UNC5D: variants seen among roughly 807,000 people sequenced by gnomAD.
UNC5D encodes the protein netrin receptor UNC5D.
UNC5D carries 39 observed loss-of-function variants against 105.4 expected under a neutral mutation model. That is an observed-to-expected ratio of 0.37 (90% CI 0.29 to 0.48). The LOEUF (loss-of-function observed/expected upper bound fraction) is 0.48. Among genes scored for constraint, UNC5D ranks in the 20% least tolerant of loss-of-function variants. UNC5D has a pLI of 0.98. For missense variants in UNC5D, 991 were observed against 1,202.4 expected, an observed-to-expected ratio of 0.82 and a Z score of 2.60; for synonymous variants, 452 against 450.4, an observed-to-expected ratio of 1.00 and a Z score of -0.04.
chr8:35,582,210 C>T (rs1049144131), intron 3 of UNC5D, among the ~76,000 whole-genome samples: 1 of 152,166 alleles, frequency 6.6e-6, no homozygotes, highest in African/African-American at 2.4e-5. Flanking sequence ...AGTCACCAGT[C>T]ATTGTGGCTC....
intron 4 of UNC5D, among the ~76,000 whole-genome samples, chr8:35,636,503 T>C (rs1406822116): frequency 1.3e-5 from 2 of 152,122 alleles, no homozygotes; most frequent in Admixed American, 1.3e-4. Context: ...TCTCCAGACA[T>C]TGCCAAATGT....
chr8:35,631,230 C>G (rs190490335), intron 4 of UNC5D, among the ~76,000 whole-genome samples: 4 of 151,798 alleles, frequency 2.6e-5, no homozygotes, highest in Admixed American at 2.6e-4. Flanking sequence ...AGGAGAATGG[C>G]TTCAACCCAG....
chr8:35,472,523 G>A (rs1180954954), intron 1 of UNC5D, among the ~76,000 whole-genome samples: 1 of 152,082 alleles, frequency 6.6e-6, no homozygotes, highest in Non-Finnish European at 1.5e-5. Flanking sequence ...ATAACCTTGT[G>A]TTTTTAGGGG....
At chr8:35,461,070 G>C (rs1808852111) in intron 1 of UNC5D, among the ~76,000 whole-genome samples, 1 of 152,158 alleles carries the variant, frequency 6.6e-6, no homozygotes. Context: ...ACTATGTTTT[G>C]AGTATAAAAT....
rs191384753 is a variant in UNC5D, at chr8:35,317,934, C to A, written c.103+82047C>A. 5.1e-3 allele frequency among the ~76,000 whole-genome samples: 610 copies of A among 118,788 alleles called. 8 individuals are homozygous for A. The highest frequency in any genetic ancestry group is 0.016 in the African/African-American group (593 of 36,936). 77.9% of individuals were successfully genotyped at this position (118,788 alleles called of 152,430 possible). On this transcript the variant is annotated intron_variant, in intron 1 of 16. Coordinates refer to ENST00000404895, the MANE Select transcript of UNC5D (RefSeq NM_080872.4). ...TCGGTATGAGGACAGGCACTGCCAA[C>A]CCTTGTTCTAGTGACTATCTTTTCT...
chr8:35,636,120 C>A (rs1248194244), intron 4 of UNC5D, among the ~76,000 whole-genome samples: 1 of 152,104 alleles, frequency 6.6e-6, no homozygotes, highest in Non-Finnish European at 1.5e-5. Flanking sequence ...CTGCCGAATT[C>A]TATATTGCAC....
rs1026945010 is a variant in UNC5D, at chr8:35,790,818, G to A, written c.*255G>A. The A allele has an allele frequency of 5.7e-6, 3 of 527,052 alleles. No homozygotes were observed. Among genetic ancestry groups the A allele is most frequent in the Non-Finnish European group, 1.0e-5 (3 of 293,882 alleles). The allele number at this position is 527,052 out of a possible 1,614,324, so 32.6% of individuals were successfully genotyped here. The stretch of plus-strand genomic sequence containing the variant: ...TTTGGGTTAACTCCTCAGATTTGGA[G>A]TGGCAAGGATAAAAGTGAGGGCAGA... On this transcript the variant is annotated 3_prime_UTR_variant, in exon 17 of 17. Transcript: ENST00000404895.
chr8:35,734,107 A>C (rs1481945306), intron 11 of UNC5D, among the ~76,000 whole-genome samples: 1 of 152,084 alleles, frequency 6.6e-6, no homozygotes, highest in South Asian at 2.1e-4. Flanking sequence ...TATCCCATTT[A>C]TAACATAGAA....
intron 1 of UNC5D, among the ~76,000 whole-genome samples, chr8:35,309,053 C>T (rs2950896): frequency 0.82 from 124,604 of 151,922 alleles, 51,555 homozygotes; most frequent in East Asian, 1. Context: ...TCCAGAAAAA[C>T]TGTTTTCCAT....
chr8:35,395,246 C>A (rs936371164), intron 1 of UNC5D, among the ~76,000 whole-genome samples: 1 of 152,204 alleles, frequency 6.6e-6, no homozygotes, highest in Non-Finnish European at 1.5e-5. Context: ...TTACTACTTT[C>A]TGCTAATATC....
At chr8:35,702,130 T>C (rs1827245514) in intron 7 of UNC5D, among the ~76,000 whole-genome samples, 1 of 152,112 alleles carries the variant, frequency 6.6e-6, no homozygotes, top group Non-Finnish European at 1.5e-5. Flanking sequence ...AATCAGTATA[T>C]GTTAGACCCT....
chr8:35,771,425 A>G (rs1802007897), intron 15 of UNC5D, among the ~76,000 whole-genome samples: 1 of 152,214 alleles, frequency 6.6e-6, no homozygotes, highest in Non-Finnish European at 1.5e-5. Context: ...TAGAATCAAA[A>G]AAAAATTCTG....
intron 1 of UNC5D, among the ~76,000 whole-genome samples, chr8:35,239,152 G>T (rs1364604509): frequency 6.6e-6 from 1 of 152,124 alleles, no homozygotes; most frequent in Non-Finnish European, 1.5e-5. Flanking sequence ...GCCCTATAAT[G>T]ATAGCACTTG....
At chr8:35,387,865 CTATT>C (rs1389029639) in intron 1 of UNC5D, among the ~76,000 whole-genome samples, 1 of 152,092 alleles carries the variant, frequency 6.6e-6, no homozygotes, top group African/African-American at 2.4e-5. Flanking sequence ...TGGGAAGAGT[CTATT>C]TATTTAGTAT....
intron 1 of UNC5D, among the ~76,000 whole-genome samples, chr8:35,378,948 T>C (rs1802864379): frequency 6.6e-6 from 1 of 152,180 alleles, no homozygotes; most frequent in African/African-American, 2.4e-5. Context: ...GTCTCTGGTT[T>C]TGTCAGGTGC....
intron 4 of UNC5D, among the ~76,000 whole-genome samples, chr8:35,629,726 C>G (rs1357733021): frequency 6.6e-6 from 1 of 152,172 alleles, no homozygotes; most frequent in East Asian, 1.9e-4. Flanking sequence ...CTAAGTCATT[C>G]TGTAATTAGA....
chr8:35,545,601 G>A (rs903519031), intron 1 of UNC5D, among the ~76,000 whole-genome samples: 1 of 151,910 alleles, frequency 6.6e-6, no homozygotes, highest in African/African-American at 2.4e-5. Flanking sequence ...AAGGCAGGGC[G>A]GGCTACAGGG....
At chr8:35,584,959 G>A (rs1308473142) in intron 3 of UNC5D, among the ~76,000 whole-genome samples, 1 of 152,034 alleles carries the variant, frequency 6.6e-6, no homozygotes, top group Non-Finnish European at 1.5e-5. Flanking sequence ...AACAAAAGAG[G>A]CTGAACACGA....
At chr8:35,284,894 C>A (rs1179420973) in intron 1 of UNC5D, among the ~76,000 whole-genome samples, 1 of 152,120 alleles carries the variant, frequency 6.6e-6, no homozygotes, top group Non-Finnish European at 1.5e-5. Flanking sequence ...CAAAATATTT[C>A]TCTCTCTGAG....
Sources: gnomAD v4.1 joint callset for allele counts (sites outside exome capture counted in the v4.1 genomes callset) on GRCh38, gnomAD v4.1.1 for gene constraint, MANE v1.5 for transcripts, NCBI Gene and HGNC (gene_info 2026-07-23, HGNC 2026-07-21) for gene names.